The following PRKN variants were observed in gnomAD, a reference collection of about 807,000 sequenced individuals.
PRKN encodes E3 ubiquitin-protein ligase parkin.
PRKN carries 56 observed loss-of-function variants against 59.5 expected under a neutral mutation model. The observed-to-expected ratio is 0.94, with a 90% CI of 0.76 to 1.18. The LOEUF (loss-of-function observed/expected upper bound fraction) is 1.18. PRKN is among the 50% of genes most tolerant of loss of function. The probability of loss-of-function intolerance (pLI) is 0.00; values close to 1 mark genes in which losing one functional copy is unlikely to be tolerated. For synonymous variants in PRKN, 250 were observed against 222.1 expected, an observed-to-expected ratio of 1.13 and a Z score of -1.12; for missense variants, 657 against 596.4, an observed-to-expected ratio of 1.10 and a Z score of -1.06.
intron 1 of PRKN, among the ~76,000 whole-genome samples, chr6:162,570,221 T>C (rs1780262532): frequency 6.6e-6 from 1 of 152,146 alleles, no homozygotes; most frequent in Admixed American, 6.5e-5. Context: ...ACATCACTCA[T>C]CATCAGAGAA....
chr6:162,662,554 G>C (rs770468502), intron 1 of PRKN, among the ~76,000 whole-genome samples: 1 of 152,086 alleles, frequency 6.6e-6, no homozygotes, highest in Non-Finnish European at 1.5e-5. Flanking sequence ...AATAGTTTCA[G>C]GTCTTACATT....
chr6:161,978,281 C>T (rs1477355303), intron 5 of PRKN, among the ~76,000 whole-genome samples: 6 of 152,016 alleles, frequency 3.9e-5, no homozygotes, highest in Non-Finnish European at 7.4e-5. Context: ...AACTCCAGAC[C>T]TCAGGTGATC....
At chr6:162,426,854 A>C (rs1166633856) in intron 2 of PRKN, among the ~76,000 whole-genome samples, 1 of 152,278 alleles carries the variant, frequency 6.6e-6, no homozygotes, top group Non-Finnish European at 1.5e-5. Flanking sequence ...TCATAAACAA[A>C]GATGAAGTAA....
At chr6:162,287,340 G>A (rs1459756452) in intron 2 of PRKN, among the ~76,000 whole-genome samples, 6 of 152,156 alleles carry the variant, frequency 3.9e-5, no homozygotes, top group Admixed American at 3.9e-4. Flanking sequence ...TCTGAGGCAG[G>A]AGGATTGCTT....
rs1779979153 is a variant in PRKN, at chr6:161,550,738, C to CGTGTGTGTGTGTGCACGT, written c.934-1736_934-1735insACGTGCACACACACACAC. Among the ~76,000 whole-genome samples the CGTGTGTGTGTGTGCACGT allele has an allele frequency of 1.0e-4, 15 of 146,308 alleles. No individual in the cohort carries two copies. The highest frequency in any genetic ancestry group is 4.4e-4 in the South Asian group (2 of 4,594). On this transcript the variant is annotated intron_variant, in intron 8 of 11. Transcript: ENST00000366898. This position sits in a 1 kb window ranked among gnomAD's most constrained non-coding sequence, Gnocchi z 4.0. ...AAGAAAGGGTATGTGTGTGTGTGCACGTGTGTGTGTGTGTGTGTGTGTGTA... is the reference window on the plus strand; with the variant it reads ...AAGAAAGGGTATGTGTGTGTGTGCACGTGTGTGTGTGTGCACGTGTGTGTGTGTGTGTGTGTGTGTGTA...
intron 7 of PRKN, among the ~76,000 whole-genome samples, chr6:161,688,182 C>G (rs1327755178): frequency 6.6e-6 from 1 of 152,174 alleles, no homozygotes; most frequent in Non-Finnish European, 1.5e-5. Context: ...GAGACACAAA[C>G]CAACTGCAAA....
rs148362827 is a variant in PRKN at position 161,736,542 on chromosome 6, G to T, written c.871+49230C>A. Among the ~76,000 whole-genome samples the T allele has an allele frequency of 1.1e-3, 170 of 152,266 alleles. 1 individual carries two copies. Among genetic ancestry groups the T allele is most frequent in the Non-Finnish European group, 1.9e-3 (130 of 68,014 alleles). ...CATTCACTCCCTCCCCTTACCGGGG[G>T]CCATCCCCAGGGCAAAGAAAAGGAG... On this transcript the variant is annotated intron_variant, in intron 7 of 11. Transcript: ENST00000366898.
intron 5 of PRKN, among the ~76,000 whole-genome samples, chr6:162,000,784 A>G (rs1782023923): frequency 6.6e-6 from 1 of 151,860 alleles, no homozygotes; most frequent in African/African-American, 2.4e-5. Flanking sequence ...ATAGTTCTGC[A>G]CTTTAACAGT....
chr6:161,735,260 A>G (rs181880590), intron 7 of PRKN, among the ~76,000 whole-genome samples: 226 of 152,242 alleles, frequency 1.5e-3, no homozygotes, highest in African/African-American at 5.1e-3. Context: ...GCCACCCCTG[A>G]GACAGCAAGA....
intron 6 of PRKN, among the ~76,000 whole-genome samples, chr6:161,922,620 T>C (rs750165110): frequency 6.6e-6 from 1 of 152,132 alleles, no homozygotes; most frequent in Non-Finnish European, 1.5e-5. Flanking sequence ...AATTCCTACA[T>C]GAAATGGAGT....
chr6:162,696,765 T>G (rs911390461), intron 1 of PRKN, among the ~76,000 whole-genome samples: 1 of 151,772 alleles, frequency 6.6e-6, no homozygotes, highest in Non-Finnish European at 1.5e-5. Context: ...AAGCTGGTCT[T>G]GAACTCTTGG....
chr6:161,774,579 A>T (rs1336693850), intron 7 of PRKN, among the ~76,000 whole-genome samples: 1 of 152,096 alleles, frequency 6.6e-6, no homozygotes, highest in Non-Finnish European at 1.5e-5. Flanking sequence ...TGGCCCCATG[A>T]AGAGGATCGA....
Position 161,457,091 on chromosome 6 carries a change from G to C in PRKN, c.1084-70214C>G, listed in dbSNP as rs750086888. 6.6e-6 allele frequency among the ~76,000 whole-genome samples: 1 copy of C among 152,176 alleles called. No individual in the cohort carries two copies. The highest frequency in any genetic ancestry group is 1.5e-5 in the Non-Finnish European group (1 of 68,046). ...TAACAAATATCCACTGAGCGTCTTC[G>C]CTACGCAAGGCTCTCTTCCAGACCG... On this transcript the variant is annotated intron_variant, in intron 9 of 11. Transcript: ENST00000366898. The surrounding 1 kb of genome is among the most constrained non-coding windows in gnomAD (Gnocchi z 5.0).
intron 9 of PRKN, among the ~76,000 whole-genome samples, chr6:161,389,447 T>A (rs1786409722): frequency 1.3e-5 from 2 of 152,252 alleles, no homozygotes; most frequent in South Asian, 4.1e-4. Context: ...TAGTGAAATG[T>A]AAACTTTATT....
intron 6 of PRKN, among the ~76,000 whole-genome samples, chr6:161,905,435 T>C (rs1381778588): frequency 6.6e-6 from 1 of 152,184 alleles, no homozygotes; most frequent in Non-Finnish European, 1.5e-5. Flanking sequence ...TGTAGACTTT[T>C]GCTTTTCCTG....
chr6:162,044,263 G>A (rs117210138), intron 5 of PRKN, among the ~76,000 whole-genome samples: 97 of 152,236 alleles, frequency 6.4e-4, no homozygotes, highest in Non-Finnish European at 1.3e-3. Context: ...CTGAGATTAC[G>A]CCTATTACGC....
intron 2 of PRKN, among the ~76,000 whole-genome samples, chr6:162,272,119 G>C (rs1440793520): frequency 6.6e-6 from 1 of 152,190 alleles, no homozygotes; most frequent in East Asian, 1.9e-4. Flanking sequence ...GGGGCGGGAG[G>C]GGGGACCGCT....
intron 4 of PRKN, among the ~76,000 whole-genome samples, chr6:162,117,758 G>C (rs961991448): frequency 1.3e-5 from 2 of 152,196 alleles, no homozygotes; most frequent in African/African-American, 4.8e-5. Context: ...TGCACAGAGA[G>C]AAACATCTGA....
At chr6:161,909,004 G>A (rs1336854015) in intron 6 of PRKN, among the ~76,000 whole-genome samples, 1 of 152,170 alleles carries the variant, frequency 6.6e-6, no homozygotes, top group South Asian at 2.1e-4. Context: ...GGCCTGTAAT[G>A]TAAGGGGCGC....
Sources: gnomAD v4.1 joint callset for allele counts (sites outside exome capture counted in the v4.1 genomes callset) on GRCh38, gnomAD v4.1.1 for gene constraint, Gnocchi (gnomAD v3.1) non-coding constraint, MANE v1.5 for transcripts, NCBI Gene and HGNC (gene_info 2026-07-23, HGNC 2026-07-21) for gene names.